The following ATP2B2 variants were observed in gnomAD, a reference collection of about 807,000 sequenced individuals.
ATP2B2 encodes plasma membrane calcium-transporting ATPase 2.
In ATP2B2, 15 loss-of-function variants were observed where a neutral mutation model predicts 120.0. The observed-to-expected ratio is 0.12, with a 90% CI of 0.08 to 0.19. The LOEUF is 0.19. ATP2B2 is among the 10% of genes least tolerant of loss of function. The probability of loss-of-function intolerance (pLI) is 1.00; values close to 1 mark genes in which losing one functional copy is unlikely to be tolerated. For missense variants in ATP2B2, 1,045 were observed against 1,719.8 expected (o/e 0.61, Z 6.94); for synonymous variants, 694 against 700.3 (o/e 0.99, Z 0.14).
At chr3:10,650,327 GA>G (rs2070424697) in intron 1 of ATP2B2, among the ~76,000 whole-genome samples, 1 of 152,192 alleles carries the variant, frequency 6.6e-6, no homozygotes, top group Non-Finnish European at 1.5e-5. Context: ...CTGCCCTAGA[GA>G]TTTGTGGAAC....
intron 3 of ATP2B2, among the ~76,000 whole-genome samples, chr3:10,518,026 A>T (rs565972433): frequency 7.0e-6 from 1 of 142,676 alleles, no homozygotes; most frequent in Admixed American, 6.9e-5. Context: ...AGGCACAGCA[A>T]GAATGAAGGT....
At chr3:10,698,528 A>G (rs6797345) in intron 1 of ATP2B2, among the ~76,000 whole-genome samples, 46,088 of 152,130 alleles carry the variant, frequency 0.3, 8,646 homozygotes, top group African/African-American at 0.53. Context: ...ACAATTGTTA[A>G]CACTTTGACA....
chr3:10,522,480 A>C (rs1217465418), intron 3 of ATP2B2, among the ~76,000 whole-genome samples: 1 of 152,066 alleles, frequency 6.6e-6, no homozygotes, highest in Non-Finnish European at 1.5e-5. Flanking sequence ...TGGTCATTCC[A>C]CTGGAAGTAA....
chr3:10,455,682 T>C (rs1300687938), intron 1 of ATP2B2, among the ~76,000 whole-genome samples: 3 of 151,050 alleles, frequency 2.0e-5, no homozygotes, highest in African/African-American at 7.4e-5. Flanking sequence ...CCCTAAGCAA[T>C]GGGCACACAG....
At chr3:10,422,976 G>C (rs1235602819) in intron 2 of ATP2B2, among the ~76,000 whole-genome samples, 1 of 152,208 alleles carries the variant, frequency 6.6e-6, no homozygotes, top group Non-Finnish European at 1.5e-5. Flanking sequence ...AAGTGGGTGT[G>C]GGGGCTGGGG....
chr3:10,487,267 C>T (rs1277394466), intron 1 of ATP2B2, among the ~76,000 whole-genome samples: 5 of 152,080 alleles, frequency 3.3e-5, no homozygotes, highest in Non-Finnish European at 7.4e-5. Context: ...CATGCACATA[C>T]AGAGAGACAC....
chr3:10,470,582 G>A (rs2064942866), intron 1 of ATP2B2, among the ~76,000 whole-genome samples: 1 of 152,220 alleles, frequency 6.6e-6, no homozygotes, highest in Admixed American at 6.5e-5. Context: ...GGTGGTCCCA[G>A]GATGAGCTAA....
intron 1 of ATP2B2, among the ~76,000 whole-genome samples, chr3:10,491,407 G>C (rs903964936): frequency 8.6e-5 from 13 of 152,020 alleles, no homozygotes; most frequent in Non-Finnish European, 1.8e-4. Context: ...TGCATTTTTA[G>C]TAGAGACGGG....
chr3:10,688,951 A>G (rs1276221377), intron 1 of ATP2B2, among the ~76,000 whole-genome samples: 1 of 152,176 alleles, frequency 6.6e-6, no homozygotes, highest in African/African-American at 2.4e-5. Flanking sequence ...CACCTGGCCA[A>G]TGTCCACCCT....
intron 2 of ATP2B2, among the ~76,000 whole-genome samples, chr3:10,575,317 T>A (rs55693119): frequency 0.021 from 3,172 of 152,260 alleles, 57 homozygotes; most frequent in Admixed American, 0.041. Context: ...AGAGGGTTAT[T>A]ATGCCCCATT....
At chr3:10,392,150 G>C (rs1266008836) in intron 5 of ATP2B2, among the ~76,000 whole-genome samples, 1 of 152,148 alleles carries the variant, frequency 6.6e-6, no homozygotes, top group Non-Finnish European at 1.5e-5. Flanking sequence ...GGCAGTGTCT[G>C]AGTGGGAGTG....
At chr3:10,438,099 G>T (rs973208718) in intron 2 of ATP2B2, among the ~76,000 whole-genome samples, 1 of 152,070 alleles carries the variant, frequency 6.6e-6, no homozygotes, top group Admixed American at 6.5e-5. Context: ...TCTGCCCCCT[G>T]GCCCATACCC....
intron 5 of ATP2B2, among the ~76,000 whole-genome samples, chr3:10,397,882 C>A (rs2062092684): frequency 6.6e-6 from 1 of 152,214 alleles, no homozygotes; most frequent in African/African-American, 2.4e-5. Flanking sequence ...ATGGTCCCAA[C>A]TGTTACAGAA....
Position 10,338,358 on chromosome 3 carries a change from C to A in ATP2B2, c.3238G>T (p.Val1080Phe). ...IGLGELVWGQ[V>F]IATIPTSRLK... Reference sequence around the variant, plus strand: ...CTGCTGGTCGGGATGGTGGCGATGACCTGCAAGGGACCCTGTCTGTCAGGA... The same window carrying A: ...CTGCTGGTCGGGATGGTGGCGATGAACTGCAAGGGACCCTGTCTGTCAGGA... The change falls in exon 22 of 23, where the codon GTC becomes TTC. Residue 1080 changes from valine (V) to phenylalanine (F), a missense_variant and splice_region_variant. This residue lies in a region of ATP2B2 where 211 missense variants were observed against 385.1 expected (regional missense o/e 0.55). Coordinates refer to ENST00000360273, the MANE Select transcript of ATP2B2 (RefSeq NM_001001331.4). 6.2e-7 allele frequency: 1 copy of A among 1,614,116 alleles called. No individual in the cohort carries two copies. The highest frequency in any genetic ancestry group is 8.5e-7 in the Non-Finnish European group (1 of 1,180,008).
At chr3:10,393,362 G>A (rs2061920828) in intron 5 of ATP2B2, among the ~76,000 whole-genome samples, 1 of 152,140 alleles carries the variant, frequency 6.6e-6, no homozygotes, top group South Asian at 2.1e-4. Flanking sequence ...AGTATTTTTG[G>A]GTGGAGGGGG....
intron 2 of ATP2B2, among the ~76,000 whole-genome samples, chr3:10,603,171 C>T (rs891828368): frequency 2.6e-5 from 4 of 152,238 alleles, no homozygotes; most frequent in Admixed American, 2.6e-4. Context: ...CAGCAGTTCA[C>T]CTTCTCTGGG....
chr3:10,481,645 C>T (rs1363820640), intron 1 of ATP2B2, among the ~76,000 whole-genome samples: 1 of 152,222 alleles, frequency 6.6e-6, no homozygotes, highest in African/African-American at 2.4e-5. Flanking sequence ...CCTCCACCTC[C>T]TGGGTTCAAG....
chr3:10,617,972 C>T (rs1290647917), intron 2 of ATP2B2, among the ~76,000 whole-genome samples: 1 of 152,214 alleles, frequency 6.6e-6, no homozygotes, highest in Admixed American at 6.5e-5. Flanking sequence ...AGCTGTGTAA[C>T]AGCCCAGACA....
At chr3:10,416,660 G>A (rs1022180593) in intron 2 of ATP2B2, among the ~76,000 whole-genome samples, 1 of 152,150 alleles carries the variant, frequency 6.6e-6, no homozygotes, top group African/African-American at 2.4e-5. Context: ...GGGGCAAAGG[G>A]AGCCTGTGCT....
Sources: gnomAD v4.1 joint callset for allele counts (sites outside exome capture counted in the v4.1 genomes callset) on GRCh38, gnomAD v4.1.1 for gene constraint, gnomAD v4.1.1 regional missense constraint, MANE v1.5 for transcripts, NCBI Gene and HGNC (gene_info 2026-07-23, HGNC 2026-07-21) for gene names.